Variants in DIAPH3 observed in about 807,000 individuals in gnomAD.
DIAPH3 encodes diaphanous related formin 3, also known as protein diaphanous homolog 3.
DIAPH3 carries 117 observed loss-of-function variants against 144.3 expected under a neutral mutation model. That is an observed-to-expected ratio of 0.81 (90% CI 0.70 to 0.95). DIAPH3 has a LOEUF of 0.95. Ranked by LOEUF, DIAPH3 falls within the 40% of genes least tolerant of loss-of-function variation. The probability of loss-of-function intolerance (pLI) is 0.00; values close to 1 mark genes in which losing one functional copy is unlikely to be tolerated. For missense variants in DIAPH3, 1,421 were observed against 1,412.7 expected, an observed-to-expected ratio of 1.01 and a Z score of -0.09; for synonymous variants, 519 against 488.9, an observed-to-expected ratio of 1.06 and a Z score of -0.81.
intron 21 of DIAPH3, among the ~76,000 whole-genome samples, chr13:59,876,459 C>T (rs1287776762): frequency 6.6e-6 from 1 of 152,148 alleles, no homozygotes; most frequent in Non-Finnish European, 1.5e-5. Flanking sequence ...AAAAGAATAA[C>T]AGCTACATTG....
At chr13:60,056,588 A>G (rs1017328013) in intron 4 of DIAPH3, among the ~76,000 whole-genome samples, 1 of 151,848 alleles carries the variant, frequency 6.6e-6, no homozygotes, top group Non-Finnish European at 1.5e-5. Flanking sequence ...ATTCTAAATA[A>G]CATTCTCCAC....
chr13:60,067,012 C>T (rs957479205), intron 4 of DIAPH3, among the ~76,000 whole-genome samples: 10 of 152,136 alleles, frequency 6.6e-5, no homozygotes, highest in African/African-American at 2.4e-4. Flanking sequence ...GGTGAGGTGG[C>T]TCACGCCTAT....
chr13:60,042,400 TATTAA>T (rs2055739434), intron 5 of DIAPH3, among the ~76,000 whole-genome samples: 1 of 152,310 alleles, frequency 6.6e-6, no homozygotes, highest in Admixed American at 6.5e-5. Flanking sequence ...AACTCAGTCA[TATTAA>T]ATTAATAGTT....
rs145912286 is a variant in DIAPH3, at chr13:59,982,541, G to A, written c.1480+1228C>T. ...TTCTCCCAGGACTCAGATAATATAC[G>A]AAAAGAAACATAACCCTGCACAGAT... On this transcript the variant is annotated intron_variant, in intron 13 of 27. Coordinates refer to ENST00000400324, the MANE Select transcript of DIAPH3 (RefSeq NM_001042517.2). Among the ~76,000 whole-genome samples, 1,346 of 151,344 alleles carry A rather than the reference G, an allele frequency of 8.9e-3. 10 individuals are homozygous for A. The highest frequency in any genetic ancestry group is 0.012 in the Admixed American group (179 of 15,136).
In DIAPH3 at chr13:60,163,706, A is replaced by G. The variant is rs1952411734; in HGVS notation, c.61T>C (p.Tyr21His). ...CCGCGGAGAGAGGCTGAGGAAGGGT[A>G]GGGAGTCCCAGCGGCTGAGCCTTGG... The part of the protein sequence containing the change: ...PAQGSAAGTP[Y>H]PSSASLRGCR... The change falls in exon 1 of 28, where the codon TAC becomes CAC. Residue 21 changes from tyrosine (Y) to histidine (H), a missense_variant. By Grantham distance (83) the Tyr-to-His change is moderately conservative. Coordinates refer to ENST00000400324, the MANE Select transcript of DIAPH3 (RefSeq NM_001042517.2). The G allele has an allele frequency of 6.2e-7, 1 of 1,608,458 alleles. No homozygotes were observed. Among genetic ancestry groups the G allele is most frequent in the African/African-American group, 1.3e-5 (1 of 74,846 alleles).
intron 25 of DIAPH3, among the ~76,000 whole-genome samples, chr13:59,784,882 C>A (rs2038950785): frequency 6.6e-6 from 1 of 152,072 alleles, no homozygotes; most frequent in Non-Finnish European, 1.5e-5. Flanking sequence ...GTTGCCCTAA[C>A]ATAATTACAT....
At chr13:60,037,458 A>G (rs1439631584) in intron 5 of DIAPH3, among the ~76,000 whole-genome samples, 1 of 152,028 alleles carries the variant, frequency 6.6e-6, no homozygotes, top group African/African-American at 2.4e-5. Flanking sequence ...GGTTCAAGAG[A>G]AGAGATATTG....
intron 5 of DIAPH3, among the ~76,000 whole-genome samples, chr13:60,031,020 T>C (rs1483445631): frequency 3.3e-5 from 5 of 152,218 alleles, no homozygotes; most frequent in Non-Finnish European, 7.3e-5. Flanking sequence ...AGGCCATTCT[T>C]GCATTGCTAT....
intron 2 of DIAPH3, among the ~76,000 whole-genome samples, chr13:60,126,138 T>C (rs1399949545): frequency 1.3e-5 from 2 of 152,038 alleles, no homozygotes; most frequent in African/African-American, 2.4e-5. Flanking sequence ...AGTAAAACAC[T>C]ACATACCGAG....
intron 2 of DIAPH3, among the ~76,000 whole-genome samples, chr13:60,123,567 A>AGT (rs1336339321): frequency 6.6e-6 from 1 of 152,188 alleles, no homozygotes; most frequent in Admixed American, 6.5e-5. Flanking sequence ...GTCCTAATTA[A>AGT]CTCATTAATG....
chr13:59,897,180 G>A (rs1461403851), intron 20 of DIAPH3, among the ~76,000 whole-genome samples: 1 of 152,186 alleles, frequency 6.6e-6, no homozygotes, highest in Non-Finnish European at 1.5e-5. Context: ...AAAAGAGTCA[G>A]GGAGGAGTCA....
intron 1 of DIAPH3, among the ~76,000 whole-genome samples, chr13:60,158,010 G>A (rs944933515): frequency 1.3e-5 from 2 of 152,098 alleles, no homozygotes; most frequent in Admixed American, 6.5e-5. Context: ...GGTTTTTTAT[G>A]CCAGTACAAC....
intron 20 of DIAPH3, among the ~76,000 whole-genome samples, chr13:59,907,204 C>A (rs2046784566): frequency 6.6e-6 from 1 of 152,156 alleles, no homozygotes; most frequent in African/African-American, 2.4e-5. Context: ...AATTTCTCCA[C>A]AAGAAAATTT....
chr13:59,969,036 T>G (rs1223843113), intron 17 of DIAPH3, among the ~76,000 whole-genome samples: 1 of 152,182 alleles, frequency 6.6e-6, no homozygotes, highest in Admixed American at 6.5e-5. Flanking sequence ...TAAAAGGTAA[T>G]GATTGATCTA....
At chr13:59,788,628 C>T (rs989305533) in intron 25 of DIAPH3, among the ~76,000 whole-genome samples, 3 of 152,086 alleles carry the variant, frequency 2.0e-5, no homozygotes, top group African/African-American at 4.8e-5. Flanking sequence ...TGTCCATCTA[C>T]AAGAGATTGA....
At chr13:60,097,824 A>T (rs2058152084) in intron 3 of DIAPH3, among the ~76,000 whole-genome samples, 1 of 152,104 alleles carries the variant, frequency 6.6e-6, no homozygotes, top group Non-Finnish European at 1.5e-5. Flanking sequence ...GGCAGTAGAG[A>T]GAAAATATGC....
At chr13:59,933,153 A>G (rs1251726173) in intron 17 of DIAPH3, among the ~76,000 whole-genome samples, 1 of 152,240 alleles carries the variant, frequency 6.6e-6, no homozygotes, top group Non-Finnish European at 1.5e-5. Flanking sequence ...CATGCTGGCA[A>G]TACCTCTGGT....
chr13:59,832,160 A>C (rs1026607796), intron 24 of DIAPH3, among the ~76,000 whole-genome samples: 2 of 151,932 alleles, frequency 1.3e-5, no homozygotes, highest in African/African-American at 4.8e-5. Flanking sequence ...CATTTCTGGC[A>C]ATGAAAAATA....
intron 4 of DIAPH3, among the ~76,000 whole-genome samples, chr13:60,067,426 A>G (rs1275834816): frequency 6.6e-6 from 1 of 152,174 alleles, no homozygotes; most frequent in East Asian, 1.9e-4. Context: ...AGGCATAAAC[A>G]TATCTCTTTA....
Sources: allele counts gnomAD v4.1 joint callset (sites outside exome capture counted in the v4.1 genomes callset), GRCh38; gene constraint gnomAD v4.1.1; transcripts MANE v1.5; gene names NCBI Gene and HGNC (gene_info 2026-07-23, HGNC 2026-07-21).